Variants in RBFOX1 observed in about 807,000 individuals in gnomAD.
RBFOX1 encodes RNA binding protein fox-1 homolog 1.
In RBFOX1, 8 loss-of-function variants were observed where a neutral mutation model predicts 57.7. The observed-to-expected ratio is 0.14, with a 90% CI of 0.08 to 0.25. The LOEUF is 0.25. RBFOX1 is among the 10% of genes least tolerant of loss of function. The pLI is 1.00. For missense variants in RBFOX1, 611 were observed against 548.5 expected, an observed-to-expected ratio of 1.11 and a Z score of -1.14; for synonymous variants, 326 against 222.4, an observed-to-expected ratio of 1.47 and a Z score of -4.15.
intron 3 of RBFOX1, among the ~76,000 whole-genome samples, chr16:5,653,235 TG>T (rs2049304397): frequency 1.3e-5 from 2 of 150,458 alleles, no homozygotes; most frequent in African/African-American, 5.0e-5. Context: ...GTGAGGAAGG[TG>T]GGGTGTGGAG....
chr16:6,597,980 C>T (rs1029216086), intron 2 of RBFOX1, among the ~76,000 whole-genome samples: 1 of 152,168 alleles, frequency 6.6e-6, no homozygotes, highest in Non-Finnish European at 1.5e-5. Flanking sequence ...GGGAGTTGCT[C>T]AGAAAGTCCA....
chr16:5,939,194 C>A lies in RBFOX1; in HGVS notation c.351+71859C>A, dbSNP rs527853861. Among the ~76,000 whole-genome samples, 4 of 152,266 alleles carry A rather than the reference C, an allele frequency of 2.6e-5. No individual in the cohort carries two copies. The East Asian group carries it at 7.7e-4, about 29-fold the overall frequency. ...CAACATGGCATATGTAGACATGTAACAAACCTGCCCATTGTGCACATGTAC... is the reference window on the plus strand; with the variant it reads ...CAACATGGCATATGTAGACATGTAAAAAACCTGCCCATTGTGCACATGTAC... On this transcript the variant is annotated intron_variant, in intron 4 of 19. Transcript: ENST00000641259.
intron 1 of RBFOX1, among the ~76,000 whole-genome samples, chr16:5,364,525 C>T (rs918384391): frequency 1.1e-4 from 16 of 152,196 alleles, no homozygotes; most frequent in Admixed American, 2.6e-4. Flanking sequence ...GCAATAGGGA[C>T]GTCCTTCTAT....
chr16:6,901,187 A>G (rs1001985185), intron 3 of RBFOX1, among the ~76,000 whole-genome samples: 6 of 152,162 alleles, frequency 3.9e-5, no homozygotes, highest in African/African-American at 1.2e-4. Context: ...TAGGTATTCA[A>G]TAAATATATA....
chr16:5,320,871 C>G (rs2064382922), intron 1 of RBFOX1, among the ~76,000 whole-genome samples: 3 of 152,180 alleles, frequency 2.0e-5, no homozygotes, highest in Non-Finnish European at 1.5e-5. Flanking sequence ...CGCAGCTGAA[C>G]CCACCATTAC....
chr16:5,424,623 C>T (rs2067458169), intron 1 of RBFOX1, among the ~76,000 whole-genome samples: 4 of 151,644 alleles, frequency 2.6e-5, no homozygotes, highest in African/African-American at 7.3e-5. Context: ...CACCATGGCA[C>T]ACGTTTATGT....
At chr16:7,667,407 C>T (rs1597647247) in intron 13 of RBFOX1, among the ~76,000 whole-genome samples, 1 of 152,286 alleles carries the variant, frequency 6.6e-6, no homozygotes, top group East Asian at 1.9e-4. Context: ...ATATCATAAT[C>T]TTGAATGTGC....
At position 5,721,110 on chromosome 16, in the gene RBFOX1, T is replaced by C. The variant is rs976727434; in HGVS notation, c.318+122149T>C. Among the ~76,000 whole-genome samples, 4 of 152,222 alleles carry C rather than the reference T, an allele frequency of 2.6e-5. No homozygotes were observed. In the East Asian group the frequency reaches 7.7e-4, roughly 29 times the overall value. On this transcript the variant is annotated intron_variant, in intron 3 of 19. Transcript: ENST00000641259. ...TTCCTTTAAATTTCTTTGATCAATATTTAATAGTTTTCAGCATGGAAATTT... is the reference window on the plus strand; with the variant it reads ...TTCCTTTAAATTTCTTTGATCAATACTTAATAGTTTTCAGCATGGAAATTT...
chr16:6,988,515 C>G (rs1046423910), intron 3 of RBFOX1, among the ~76,000 whole-genome samples: 4 of 151,608 alleles, frequency 2.6e-5, no homozygotes, highest in African/African-American at 7.3e-5. Flanking sequence ...TAAAATTAGT[C>G]TTACCTGTTT....
chr16:6,833,829 A>G (rs1394012358), intron 3 of RBFOX1, among the ~76,000 whole-genome samples: 1 of 152,140 alleles, frequency 6.6e-6, no homozygotes, highest in African/African-American at 2.4e-5. Context: ...TTAGATAGGA[A>G]GAGAGATGGA....
chr16:5,841,420 C>T (rs552842109), intron 3 of RBFOX1, among the ~76,000 whole-genome samples: 1 of 152,292 alleles, frequency 6.6e-6, no homozygotes, highest in South Asian at 2.1e-4. Context: ...ATAGTATCTT[C>T]TTCCCGAGAG....
intron 3 of RBFOX1, among the ~76,000 whole-genome samples, chr16:6,834,217 G>A (rs1323270575): frequency 6.6e-6 from 1 of 151,960 alleles, no homozygotes; most frequent in Non-Finnish European, 1.5e-5. Flanking sequence ...GGGATTACAG[G>A]TGCCCGCTAG....
chr16:6,269,701 G>A (rs796764739), intron 1 of RBFOX1, among the ~76,000 whole-genome samples: 1 of 152,104 alleles, frequency 6.6e-6, no homozygotes, highest in Non-Finnish European at 1.5e-5. Flanking sequence ...TAAAAGAATT[G>A]GTTGGCAGCT....
At chr16:6,862,943 G>A (rs2050638627) in intron 3 of RBFOX1, among the ~76,000 whole-genome samples, 1 of 151,378 alleles carries the variant, frequency 6.6e-6, no homozygotes, top group Admixed American at 6.6e-5. Flanking sequence ...TGAGATCACG[G>A]CACTGCACTC....
At chr16:7,322,973 G>A (rs1283698668) in intron 4 of RBFOX1, among the ~76,000 whole-genome samples, 1 of 152,096 alleles carries the variant, frequency 6.6e-6, no homozygotes, top group Non-Finnish European at 1.5e-5. Flanking sequence ...AGTGGTGGGT[G>A]GTGTAGGTCA....
intron 4 of RBFOX1, among the ~76,000 whole-genome samples, chr16:5,891,000 C>G (rs1057009027): frequency 6.6e-6 from 1 of 152,186 alleles, no homozygotes; most frequent in Admixed American, 6.5e-5. Flanking sequence ...GAGATTATAG[C>G]TCATCTGGTA....
At chr16:7,159,519 C>T (rs540211949) in intron 4 of RBFOX1, among the ~76,000 whole-genome samples, 15 of 152,268 alleles carry the variant, frequency 9.9e-5, no homozygotes, top group African/African-American at 9.6e-5. Context: ...ACGCTCCATG[C>T]GCTAGGACTA....
chr16:5,586,326 A>C (rs1424066890), intron 2 of RBFOX1, among the ~76,000 whole-genome samples: 1 of 152,156 alleles, frequency 6.6e-6, no homozygotes, highest in Non-Finnish European at 1.5e-5. Flanking sequence ...CAGGGAACTA[A>C]AGTACATGTT....
intron 4 of RBFOX1, among the ~76,000 whole-genome samples, chr16:5,984,944 C>T (rs1328948571): frequency 1.9e-5 from 2 of 103,032 alleles, no homozygotes; most frequent in Admixed American, 1.1e-4. Context: ...AGGGCAACTC[C>T]ATTATATATA....
Sources: gnomAD v4.1 joint callset for allele counts (sites outside exome capture counted in the v4.1 genomes callset) on GRCh38, gnomAD v4.1.1 for gene constraint, MANE v1.5 for transcripts, NCBI Gene and HGNC (gene_info 2026-07-23, HGNC 2026-07-21) for gene names.